Variants in FYB1 observed in about 807,000 individuals in gnomAD.
FYB1 encodes the protein FYN binding protein 1, also known as FYN-binding protein 1.
A neutral mutation model predicts 94.1 loss-of-function variants in FYB1; 41 were observed. The ratio of observed to expected loss-of-function variants is 0.44; its 90% confidence interval spans 0.34 to 0.57. FYB1 has a LOEUF of 0.57. Among genes scored for constraint, FYB1 ranks in the 20% least tolerant of loss-of-function variants. FYB1 has a pLI of 0.02. For synonymous variants in FYB1, 367 were observed against 353.2 expected (o/e 1.04, Z -0.44); for missense variants, 1,050 against 976.8 (o/e 1.07, Z -1.00).
intron 1 of FYB1, among the ~76,000 whole-genome samples, chr5:39,229,910 T>C (rs912629004): frequency 3.3e-5 from 5 of 152,124 alleles, no homozygotes; most frequent in African/African-American, 1.2e-4. Flanking sequence ...GCCCGTGTGG[T>C]TCAATTAAAT....
chr5:39,212,677 C>T (rs1749502340), intron 1 of FYB1: 1 of 152,214 alleles, frequency 6.6e-6, no homozygotes, highest in African/African-American at 2.4e-5. Flanking sequence ...TCTTTTCTCA[C>T]CTTTGTTATA....
At chr5:39,119,836 G>A (rs962758797) in intron 14 of FYB1, among the ~76,000 whole-genome samples, 91 of 152,018 alleles carry the variant, frequency 6.0e-4, no homozygotes, top group African/African-American at 2.2e-3. Flanking sequence ...TATAGATTAT[G>A]AGAATTAAAA....
At chr5:39,232,635 T>C (rs958251414) in intron 1 of FYB1, among the ~76,000 whole-genome samples, 1 of 151,942 alleles carries the variant, frequency 6.6e-6, no homozygotes, top group Non-Finnish European at 1.5e-5. Context: ...GTTACATATG[T>C]ATACATGTGC....
At position 39,127,711 on chromosome 5, in the gene FYB1, T is replaced by C; in HGVS notation, c.1907+30A>G. ...AAATTTCAATGTATATATAATAATT[T>C]GCAAAAAGCAGTTCACTGATTATTC... is the stretch of plus-strand genomic sequence containing the variant. On this transcript the variant is annotated intron_variant, in intron 11 of 18. Transcript: ENST00000512982. The C allele has an allele frequency of 1.9e-6, 3 of 1,565,348 alleles. No homozygotes were observed. The South Asian group carries it at 3.7e-5, about 19-fold the overall frequency.
intron 1 of FYB1, among the ~76,000 whole-genome samples, chr5:39,228,025 C>T (rs1035650794): frequency 6.6e-6 from 1 of 152,088 alleles, no homozygotes. Flanking sequence ...ACATATAAAG[C>T]CCAGTGCATC....
chr5:39,190,337 G>A (rs1157643200), intron 2 of FYB1, among the ~76,000 whole-genome samples: 2 of 152,168 alleles, frequency 1.3e-5, no homozygotes, highest in Non-Finnish European at 2.9e-5. Context: ...TGGGAAAATG[G>A]GAGGGAGAAA....
At position 39,268,318 on chromosome 5, in the gene FYB1, C is replaced by T. The variant is rs192137379; in HGVS notation, c.-28+6085G>A. Among the ~76,000 whole-genome samples, 717 of 151,086 alleles carry T rather than the reference C, an allele frequency of 4.7e-3. 6 individuals carry two copies. The highest frequency in any genetic ancestry group is 0.031 in the South Asian group (148 of 4,798). On this transcript the variant is annotated intron_variant, in intron 1 of 1. Coordinates refer to the FYB1 transcript ENST00000510188. ...TCATTCATCACTGCCGCCTTGAACTCCTGAGCTCAAATAATCCTCCTGCAT... is the reference window on the plus strand; with the variant it reads ...TCATTCATCACTGCCGCCTTGAACTTCTGAGCTCAAATAATCCTCCTGCAT...
chr5:39,208,358 G>A (rs1298280851), intron 1 of FYB1, among the ~76,000 whole-genome samples: 1 of 152,176 alleles, frequency 6.6e-6, no homozygotes, highest in Non-Finnish European at 1.5e-5. Context: ...TTGATTGCAT[G>A]TAATGCTTCT....
chr5:39,193,435 C>T (rs191037049), intron 2 of FYB1, among the ~76,000 whole-genome samples: 5 of 152,224 alleles, frequency 3.3e-5, no homozygotes, highest in South Asian at 2.1e-4. Context: ...AACTCACTAG[C>T]GGTCACCTCA....
Position 39,119,622 on chromosome 5 carries a change from A to C in FYB1, c.2151T>G (p.Asn717Lys), listed in dbSNP as rs762998354. The C allele has an allele frequency of 1.3e-6, 2 of 1,534,178 alleles. No homozygotes were observed. Among genetic ancestry groups the C allele is most frequent in the East Asian group, 2.4e-5 (1 of 41,858 alleles). The part of the protein sequence containing the change: ...VSSAEMSQGT[N>K]VGKAKTEEKD... ...TTTCTTCTGTCTTAGCTTTTCCAAC[A>C]TTAGTTCCTTGACTAGAACGGCAGA... The change falls in exon 15 of 19, where the codon AAT becomes AAG. Residue 717 changes from asparagine to lysine, a missense_variant. Coordinates refer to ENST00000512982, the MANE Select transcript of FYB1 (RefSeq NM_001465.6).
chr5:39,115,817 T>C (rs772240086), intron 16 of FYB1, among the ~76,000 whole-genome samples: 2 of 152,184 alleles, frequency 1.3e-5, no homozygotes, highest in Non-Finnish European at 2.9e-5. Context: ...GAAATAATAC[T>C]TAACCCGAAA....
chr5:39,189,424 G>A (rs1008429532), intron 2 of FYB1, among the ~76,000 whole-genome samples: 7 of 152,048 alleles, frequency 4.6e-5, no homozygotes, highest in Non-Finnish European at 8.8e-5. Flanking sequence ...ACTATCAATA[G>A]CAACAGAAAA....
At position 39,162,718 on chromosome 5, in the gene FYB1, AT is replaced by A. The variant is rs60393235; in HGVS notation, c.1136-9115del. On this transcript the variant is annotated intron_variant, in intron 2 of 18. Transcript: ENST00000512982. ...TTTTGGTAAGTAATGCCGTTTAGTG[AT>A]TTTTTTTTTTTTAAACAAGTGGGAG... Among the ~76,000 whole-genome samples the A allele has an allele frequency of 3.5e-3, 513 of 148,676 alleles. 1 individual carries two copies. The highest frequency in any genetic ancestry group is 0.018 in the South Asian group (86 of 4,756).
chr5:39,222,435 G>A (rs1234762747), upstream of FYB1, among the ~76,000 whole-genome samples: 1 of 152,128 alleles, frequency 6.6e-6, no homozygotes, highest in East Asian at 1.9e-4. Context: ...CTTTTTTAAT[G>A]CATTTGTCCC....
chr5:39,269,557 T>C (rs1752583054), intron 1 of FYB1: 1 of 152,420 alleles, frequency 6.6e-6, no homozygotes, highest in Non-Finnish European at 1.5e-5. Flanking sequence ...TCTTCCTCTC[T>C]CCCCCATGGG....
intron 8 of FYB1, 79 bp from the exon 9 acceptor site, chr5:39,134,428 C>T: frequency 8.2e-7 from 1 of 1,213,818 alleles, no homozygotes; most frequent in East Asian, 2.5e-5. Context: ...ATCAATTGCA[C>T]ATTTGCTCTT....
intron 2 of FYB1, chr5:39,169,352 A>G (rs1168902056): frequency 1.3e-6 from 1 of 757,430 alleles, no homozygotes; most frequent in African/African-American, 1.8e-5. Context: ...CCAGACGAAT[A>G]CTAAACCGGT....
At chr5:39,149,060 T>G (rs994372590) in intron 3 of FYB1, among the ~76,000 whole-genome samples, 5 of 152,146 alleles carry the variant, frequency 3.3e-5, no homozygotes, top group African/African-American at 1.2e-4. Context: ...AATGCCTGAG[T>G]AAAAATAGCA....
At position 39,152,515 on chromosome 5, in the gene FYB1, A is replaced by T. The variant is rs139252918; in HGVS notation, c.1292+933T>A. ...TATGTTGAGATATTACTTATTTGTG[A>T]TAAAGGAGAATCATGTTAAGCAATT... On this transcript the variant is annotated intron_variant, in intron 3 of 18. Coordinates refer to ENST00000512982, the MANE Select transcript of FYB1 (RefSeq NM_001465.6). Among the ~76,000 whole-genome samples, 331 of 152,352 alleles carry T rather than the reference A, an allele frequency of 2.2e-3. 1 individual carries two copies. The Middle Eastern group carries it at 0.024, about 11-fold the overall frequency.
Sources: allele counts gnomAD v4.1 joint callset (sites outside exome capture counted in the v4.1 genomes callset), GRCh38; gene constraint gnomAD v4.1.1; transcripts MANE v1.5; gene names NCBI Gene and HGNC (gene_info 2026-07-23, HGNC 2026-07-21).